Variants in OTOL1 observed in about 807,000 individuals in gnomAD.
OTOL1 encodes otolin 1.
In OTOL1, 31 loss-of-function variants were observed where a neutral mutation model predicts 25.0. The ratio of observed to expected loss-of-function variants is 1.24; its 90% CI spans 0.93 to 1.67. The LOEUF (loss-of-function observed/expected upper bound fraction) is 1.67. Among genes scored for constraint, OTOL1 ranks in the 40% most tolerant of loss-of-function variants. The probability of loss-of-function intolerance (pLI) is 0.00; values close to 1 mark genes in which losing one functional copy is unlikely to be tolerated. For synonymous variants in OTOL1, 225 were observed against 210.3 expected (o/e 1.07, Z -0.61); for missense variants, 654 against 587.7 (o/e 1.11, Z -1.17).
chr3:161,502,669 G>A (rs549491373), intron 3 of OTOL1, among the ~76,000 whole-genome samples: 5 of 152,182 alleles, frequency 3.3e-5, no homozygotes, highest in Admixed American at 3.3e-4. Context: ...GGACAATATG[G>A]GGATTTAGGG....
chr3:161,502,069 T>C (rs1285036478), intron 2 of OTOL1, among the ~76,000 whole-genome samples: 1 of 152,228 alleles, frequency 6.6e-6, no homozygotes, highest in East Asian at 1.9e-4. Flanking sequence ...GGTTTCACCA[T>C]GTTGGCCAGG....
At chr3:161,498,669 T>C (rs2108228462) in intron 1 of OTOL1, among the ~76,000 whole-genome samples, 1 of 152,306 alleles carries the variant, frequency 6.6e-6, no homozygotes, top group Admixed American at 6.5e-5. Flanking sequence ...TAAATGTTTA[T>C]CTTTCATAGA....
chr3:161,499,398 T>C, intron 2 of OTOL1, 138 bp downstream of exon 2: 1 of 677,368 alleles, frequency 1.5e-6, no homozygotes, highest in Non-Finnish European at 2.5e-6. Flanking sequence ...ACATTATATT[T>C]GATATAAATA....
chr3:161,501,556 C>T lies in OTOL1; in HGVS notation c.455-751C>T, dbSNP rs116315557. 6.1e-3 allele frequency among the ~76,000 whole-genome samples: 920 copies of T among 151,414 alleles called. 6 individuals are homozygous for T. Among genetic ancestry groups the T allele is most frequent in the African/African-American group, 0.021 (866 of 41,280 alleles). ...CTATATAAAGAACAGTTTTTTTTCC[C>T]GGACTTTTTTTTCTTATCATTGGTT... On this transcript the variant is annotated intron_variant, in intron 2 of 3. Coordinates refer to ENST00000327928, the MANE Select transcript of OTOL1 (RefSeq NM_001080440.1).
In OTOL1 at chr3:161,503,195, G is replaced by C. The variant is rs1443785350; in HGVS notation, c.687G>C (p.Lys229Asn). The part of the protein sequence containing the change: ...LHGGPGAKGE[K>N]GEMGEKGEMG... ...GAGGGCCTGGCGCCAAGGGAGAGAA[G>C]GGGGAGATGGGGGAGAAGGGGGAGA... is the stretch of plus-strand genomic sequence containing the variant. The change falls in exon 4 of 4, where the codon AAG becomes AAC. Residue 229 changes from lysine to asparagine, a missense_variant. Physicochemically the swap from Lys to Asn is moderately conservative, Grantham distance 94 (BLOSUM62 0). Transcript: ENST00000327928. 2.7e-6 allele frequency: 4 copies of C among 1,455,172 alleles called. No homozygotes were observed. The highest frequency in any genetic ancestry group is 1.5e-5 in the South Asian group (1 of 66,520). 90.1% of individuals were successfully genotyped at this position (1,455,172 alleles called of 1,614,324 possible).
chr3:161,501,699 G>A (rs1012469604), intron 2 of OTOL1, among the ~76,000 whole-genome samples: 2 of 151,646 alleles, frequency 1.3e-5, no homozygotes, highest in African/African-American at 4.9e-5. Context: ...ATTCATATTG[G>A]GAAAAACATG....
chr3:161,503,740 A>G lies in OTOL1; in HGVS notation c.1232A>G (p.Lys411Arg). Residue 411 changes from lysine to arginine, a missense_variant, in exon 4 of 4, where the codon AAG becomes AGG. Transcript: ENST00000327928. ...ATCAGTCTGGTGGCCCAGAATAAGA[A>G]GCAGTTCAAGTCCAGAGAAACTCTC... is the stretch of plus-strand genomic sequence containing the variant. ...ARISLVAQNK[K>R]QFKSRETLYG... 2.5e-6 allele frequency: 4 copies of G among 1,613,914 alleles called. No individual in the cohort carries two copies. The highest frequency in any genetic ancestry group is 3.4e-6 in the Non-Finnish European group (4 of 1,179,852).
chr3:161,498,620 AC>A (rs1718895222), intron 1 of OTOL1, among the ~76,000 whole-genome samples: 1 of 152,196 alleles, frequency 6.6e-6, no homozygotes, highest in Admixed American at 6.6e-5. Context: ...ATCATTTACT[AC>A]AATGTGACAA....
chr3:161,497,195 T>C (rs375254104), intron 1 of OTOL1, 24 bp downstream of exon 1: 7 of 1,586,004 alleles, frequency 4.4e-6, no homozygotes, highest in Admixed American at 1.8e-5. Context: ...TAAGAAGTCA[T>C]GTTTCTCACT....
At chr3:161,502,662 C>T (rs1050590789) in intron 3 of OTOL1, among the ~76,000 whole-genome samples, 7 of 151,994 alleles carry the variant, frequency 4.6e-5, no homozygotes, top group African/African-American at 1.7e-4. Flanking sequence ...CTTGAATGGA[C>T]AATATGGGGA....
Position 161,502,273 on chromosome 3 carries a change from A to G in OTOL1, c.455-34A>G, listed in dbSNP as rs1277865619. ...ATATTAAATATATCATAAATGATGTAGTTGGTAAAAAGTTAATCTTGGTAT... is the reference window on the plus strand; with the variant it reads ...ATATTAAATATATCATAAATGATGTGGTTGGTAAAAAGTTAATCTTGGTAT... On this transcript the variant is annotated intron_variant, in intron 2 of 3. Coordinates refer to ENST00000327928, the MANE Select transcript of OTOL1 (RefSeq NM_001080440.1). 1.5e-5 allele frequency: 23 copies of G among 1,537,746 alleles called. No individual in the cohort carries two copies. The Admixed American group carries it at 3.9e-4, about 26-fold the overall frequency.
intron 1 of OTOL1, 44 bp downstream of exon 1, chr3:161,497,215 G>A (rs776005699): frequency 7.1e-6 from 11 of 1,557,836 alleles, no homozygotes; most frequent in Non-Finnish European, 9.5e-6. Context: ...TTGTACATTG[G>A]TAGAGTTGAG....
intron 3 of OTOL1, among the ~76,000 whole-genome samples, 177 bp downstream of exon 3, chr3:161,502,546 A>G (rs1223300654): frequency 6.6e-6 from 1 of 152,182 alleles, no homozygotes; most frequent in African/African-American, 2.4e-5. Flanking sequence ...GAATTTGGAG[A>G]CCAGGTAATA....
intron 2 of OTOL1, 137 bp from the exon 3 acceptor site, chr3:161,502,170 C>A: frequency 1.3e-6 from 1 of 776,834 alleles, no homozygotes; most frequent in Non-Finnish European, 2.1e-6. Flanking sequence ...GCCTGGCGTA[C>A]ATTCTTTTTC....
chr3:161,497,921 G>A (rs995767822), intron 1 of OTOL1, among the ~76,000 whole-genome samples: 1 of 152,102 alleles, frequency 6.6e-6, no homozygotes, highest in African/African-American at 2.4e-5. Context: ...AGATCAGAAT[G>A]TCAACTTAAA....
At chr3:161,500,671 C>T (rs566151912) in intron 2 of OTOL1, among the ~76,000 whole-genome samples, 45 of 152,300 alleles carry the variant, frequency 3.0e-4, no homozygotes, top group Non-Finnish European at 5.4e-4. Context: ...AGCAGTATAA[C>T]TCTGTGTGGT....
Position 161,503,189 on chromosome 3 carries a change from A to G in OTOL1, c.681A>G (p.Gly227=), listed in dbSNP as rs1719017749. 2.6e-6 allele frequency: 3 copies of G among 1,154,646 alleles called. No individual in the cohort carries two copies. Among genetic ancestry groups the G allele is most frequent in the African/African-American group, 2.0e-5 (1 of 49,410 alleles). The allele number at this position is 1,154,646 out of a possible 1,614,324, so 71.5% of individuals were successfully genotyped here. A position where few individuals can be genotyped will look rare whatever the true frequency, so the allele number is the denominator to read the frequency against. Residue 227 remains glycine, a synonymous_variant, in exon 4 of 4, where the codon GGA becomes GGG. Transcript: ENST00000327928. ...TGCACGGAGGGCCTGGCGCCAAGGGAGAGAAGGGGGAGATGGGGGAGAAGG... is the reference window on the plus strand; with the variant it reads ...TGCACGGAGGGCCTGGCGCCAAGGGGGAGAAGGGGGAGATGGGGGAGAAGG... ...PGLHGGPGAK[G]EKGEMGEKGE...
Position 161,500,566 on chromosome 3 carries a change from GA to G in OTOL1, c.454+1315del, listed in dbSNP as rs914174783. Among the ~76,000 whole-genome samples the G allele has an allele frequency of 3.3e-5, 5 of 150,888 alleles. 1 individual carries two copies. Among genetic ancestry groups the G allele is most frequent in the South Asian group, 4.2e-4 (2 of 4,784 alleles). On this transcript the variant is annotated intron_variant, in intron 2 of 3. Transcript: ENST00000327928. ...GACTCTTGGTTAAGATAGAAAGTTA[GA>G]AAAAAAAATGAGTTGAATGATTCCA...
At chr3:161,498,047 T>C (rs540209897) in intron 1 of OTOL1, among the ~76,000 whole-genome samples, 1 of 152,254 alleles carries the variant, frequency 6.6e-6, no homozygotes, top group Non-Finnish European at 1.5e-5. Flanking sequence ...GGTTAGTATT[T>C]ATGCAGAGCT....
Sources: allele counts gnomAD v4.1 joint callset (sites outside exome capture counted in the v4.1 genomes callset), GRCh38; gene constraint gnomAD v4.1.1; transcripts MANE v1.5; gene names NCBI Gene and HGNC (gene_info 2026-07-23, HGNC 2026-07-21).